TRAPPC9: variants seen among roughly 807,000 people sequenced by gnomAD.
The protein encoded by TRAPPC9 is trafficking protein particle complex subunit 9, also known as IKK2 binding protein.
A neutral mutation model predicts 124.0 loss-of-function variants in TRAPPC9; 83 were observed. The ratio of observed to expected loss-of-function variants is 0.67; its 90% confidence interval spans 0.56 to 0.80. The LOEUF is 0.80. Among genes scored for constraint, TRAPPC9 ranks in the 30% least tolerant of loss-of-function variants. The pLI is 0.00. For synonymous variants in TRAPPC9, 638 were observed against 617.5 expected (o/e 1.03, Z -0.49); for missense variants, 1,302 against 1,508.3 (o/e 0.86, Z 2.27).
intron 21 of TRAPPC9, among the ~76,000 whole-genome samples, chr8:139,829,098 T>C (rs2130830048): frequency 1.3e-5 from 2 of 152,312 alleles, no homozygotes; most frequent in East Asian, 3.9e-4. Context: ...CTTGTTCCTG[T>C]ACAAATCTTC....
At chr8:139,781,790 T>A (rs925444172) in intron 21 of TRAPPC9, among the ~76,000 whole-genome samples, 1 of 152,174 alleles carries the variant, frequency 6.6e-6, no homozygotes, top group African/African-American at 2.4e-5. Flanking sequence ...GATTTTGCTG[T>A]GAACCTAAAA....
intron 21 of TRAPPC9, among the ~76,000 whole-genome samples, chr8:139,876,808 C>G (rs960410770): frequency 1.3e-5 from 2 of 152,194 alleles, no homozygotes; most frequent in African/African-American, 4.8e-5. Context: ...CCCCACGAAC[C>G]ATGTCCAGCC....
chr8:140,297,938 T>G (rs141796457), intron 11 of TRAPPC9, among the ~76,000 whole-genome samples: 61 of 152,298 alleles, frequency 4.0e-4, no homozygotes, highest in African/African-American at 1.4e-3. Flanking sequence ...GAGGAAACCA[T>G]AGGGTACTAA....
At chr8:140,038,339 C>T (rs888791443) in intron 17 of TRAPPC9, among the ~76,000 whole-genome samples, 4 of 152,320 alleles carry the variant, frequency 2.6e-5, no homozygotes, top group African/African-American at 9.6e-5. Flanking sequence ...GCACCTGCAA[C>T]GTGGCCTGAC....
intron 17 of TRAPPC9, among the ~76,000 whole-genome samples, chr8:140,178,341 C>T (rs1280324587): frequency 6.6e-6 from 1 of 152,112 alleles, no homozygotes; most frequent in African/African-American, 2.4e-5. Flanking sequence ...GCTCATTATA[C>T]ATCTATTGCT....
intron 18 of TRAPPC9, among the ~76,000 whole-genome samples, chr8:140,004,823 C>G (rs932183849): frequency 6.6e-6 from 1 of 152,172 alleles, no homozygotes; most frequent in African/African-American, 2.4e-5. Flanking sequence ...CTCCCAGGGT[C>G]TAGACACCAA....
intron 22 of TRAPPC9, 83 bp from the exon 23 acceptor site, chr8:139,731,311 G>A (rs1395776836): frequency 3.3e-6 from 5 of 1,533,680 alleles, no homozygotes; most frequent in Middle Eastern, 1.9e-4. Context: ...GAATCTGCCT[G>A]GACATAGGTG....
chr8:140,068,040 G>A (rs559109351), intron 17 of TRAPPC9, among the ~76,000 whole-genome samples: 1 of 152,232 alleles, frequency 6.6e-6, no homozygotes, highest in Admixed American at 6.5e-5. Flanking sequence ...TATTGCTTCT[G>A]AACTTTGCAC....
At chr8:140,132,596 C>T (rs942228709) in intron 17 of TRAPPC9, among the ~76,000 whole-genome samples, 3 of 152,140 alleles carry the variant, frequency 2.0e-5, no homozygotes, top group Non-Finnish European at 4.4e-5. Context: ...ACGCAGACGG[C>T]GGGGCCTCCT....
chr8:139,836,573 A>G (rs545703258), intron 21 of TRAPPC9, among the ~76,000 whole-genome samples: 1 of 152,330 alleles, frequency 6.6e-6, no homozygotes, highest in South Asian at 2.1e-4. Context: ...TGCTGCCGCC[A>G]CACGGGGCAA....
intron 17 of TRAPPC9, among the ~76,000 whole-genome samples, chr8:140,192,475 G>A (rs1042880461): frequency 6.6e-6 from 1 of 152,338 alleles, no homozygotes; most frequent in East Asian, 1.9e-4. Context: ...TCCTGGCACA[G>A]TGCCTGGGGC....
At chr8:140,072,013 T>A (rs1043225791) in intron 17 of TRAPPC9, among the ~76,000 whole-genome samples, 8 of 152,084 alleles carry the variant, frequency 5.3e-5, no homozygotes, top group Admixed American at 1.3e-4. Context: ...CTAACAAAAC[T>A]ATAAGGCATA....
intron 20 of TRAPPC9, among the ~76,000 whole-genome samples, chr8:139,903,415 A>G (rs577506621): frequency 3.3e-5 from 5 of 152,094 alleles, no homozygotes; most frequent in South Asian, 2.1e-4. Context: ...TGCGCACCCA[A>G]TTCTTCCTAC....
chr8:139,768,832 G>A (rs1337796702), intron 21 of TRAPPC9, among the ~76,000 whole-genome samples: 1 of 152,100 alleles, frequency 6.6e-6, no homozygotes. Context: ...ACCTCGGGGG[G>A]GAATGTATTT....
intron 11 of TRAPPC9, among the ~76,000 whole-genome samples, chr8:140,300,018 A>G (rs2065920135): frequency 6.6e-6 from 1 of 152,256 alleles, no homozygotes; most frequent in South Asian, 2.1e-4. Flanking sequence ...ACTCTTCTGT[A>G]GTTCACATAA....
At chr8:140,153,948 A>G (rs1195372569) in intron 17 of TRAPPC9, among the ~76,000 whole-genome samples, 1 of 152,170 alleles carries the variant, frequency 6.6e-6, no homozygotes, top group Non-Finnish European at 1.5e-5. Flanking sequence ...TCTGCCTCAG[A>G]GTGCCTTGAA....
intron 18 of TRAPPC9, 62 bp from the exon 19 acceptor site, chr8:139,988,898 T>G: frequency 8.6e-7 from 1 of 1,164,682 alleles, no homozygotes; most frequent in Non-Finnish European, 1.2e-6. Flanking sequence ...TGACTTTCCC[T>G]TTTTCTCCTC....
intron 17 of TRAPPC9, among the ~76,000 whole-genome samples, chr8:140,056,300 C>T (rs1400433098): frequency 1.3e-5 from 2 of 151,652 alleles, no homozygotes; most frequent in Non-Finnish European, 2.9e-5. Context: ...GTCCTAGCTA[C>T]TCAGGAGGCT....
intron 17 of TRAPPC9, chr8:140,099,535 C>T (rs1026403733): frequency 6.6e-6 from 1 of 151,196 alleles, no homozygotes; most frequent in Non-Finnish European, 1.5e-5. Context: ...ATGACGTTCG[C>T]CCAGATCCTC....
Sources: gnomAD v4.1 joint callset for allele counts (sites outside exome capture counted in the v4.1 genomes callset) on GRCh38, gnomAD v4.1.1 for gene constraint, MANE v1.5 for transcripts, NCBI Gene and HGNC (gene_info 2026-07-23, HGNC 2026-07-21) for gene names.